PRELID2: variants seen among roughly 807,000 people sequenced by gnomAD.
The protein encoded by PRELID2 is PRELI domain containing 2.
In PRELID2, 25 loss-of-function variants were observed where a neutral mutation model predicts 28.4. That is an observed-to-expected ratio of 0.88 (90% CI 0.64 to 1.23). PRELID2 has a LOEUF of 1.23. Ranked by LOEUF, PRELID2 falls within the 50% of genes most tolerant of loss-of-function variation. The pLI, the probability that PRELID2 is intolerant of heterozygous loss-of-function variation, is 0.00. For synonymous variants in PRELID2, 76 were observed against 71.6 expected (o/e 1.06, Z -0.31); for missense variants, 201 against 214.4 (o/e 0.94, Z 0.39).
intron 1 of PRELID2, chr5:145,473,396 C>T (rs1316366632): frequency 6.6e-6 from 1 of 152,114 alleles, no homozygotes; most frequent in African/African-American, 2.4e-5. Context: ...ATTTAGTAAA[C>T]ACATAGGATT....
the PRELID2 span, among the ~76,000 whole-genome samples, chr5:145,425,103 T>C: frequency 2.7e-5 from 4 of 150,856 alleles, no homozygotes; most frequent in Admixed American, 1.3e-4. Flanking sequence ...GCAAAAGACA[T>C]GAACAGACAC....
chr5:145,517,224 T>C (rs577251233), intron 1 of PRELID2, among the ~76,000 whole-genome samples: 2 of 152,242 alleles, frequency 1.3e-5, no homozygotes, highest in East Asian at 3.9e-4. Flanking sequence ...GAGAAAATTT[T>C]TGCAATCTAT....
the PRELID2 span, among the ~76,000 whole-genome samples, chr5:145,458,042 T>C: frequency 1.3e-5 from 2 of 152,210 alleles, no homozygotes; most frequent in Non-Finnish European, 2.9e-5. Flanking sequence ...GATTTAGAGA[T>C]TTTAGCCACC....
chr5:145,480,782 A>G (rs1054093316), intron 1 of PRELID2, among the ~76,000 whole-genome samples: 2 of 152,186 alleles, frequency 1.3e-5, no homozygotes, highest in African/African-American at 4.8e-5. Flanking sequence ...TGCTTTCATA[A>G]AATTTCTGAT....
intron 1 of PRELID2, among the ~76,000 whole-genome samples, chr5:145,627,397 C>T (rs1753864378): frequency 2.0e-5 from 3 of 151,582 alleles, no homozygotes; most frequent in Admixed American, 2.0e-4. Flanking sequence ...TACAATGTAC[C>T]CTATTCAGAT....
At chr5:145,601,055 C>T (rs920921270) in intron 1 of PRELID2, among the ~76,000 whole-genome samples, 1 of 152,040 alleles carries the variant, frequency 6.6e-6, no homozygotes, top group Non-Finnish European at 1.5e-5. Flanking sequence ...ACTGGGGAGA[C>T]TGAGGTGGGA....
the PRELID2 span, among the ~76,000 whole-genome samples, chr5:145,375,802 G>A: frequency 2.6e-5 from 4 of 152,330 alleles, no homozygotes; most frequent in Non-Finnish European, 5.9e-5. Context: ...ACATCTTGGG[G>A]CCAAGCCATC....
intron 1 of PRELID2, among the ~76,000 whole-genome samples, chr5:145,487,984 C>T (rs1440296399): frequency 1.3e-5 from 2 of 151,288 alleles, no homozygotes; most frequent in Non-Finnish European, 2.9e-5. Flanking sequence ...ATTAGCCGGG[C>T]GTGATGGTGC....
chr5:145,450,884 A>C, the PRELID2 span: 1 of 152,142 alleles, frequency 6.6e-6, no homozygotes, highest in Non-Finnish European at 1.5e-5. Context: ...ATTTATGGTA[A>C]TTACATAGGA....
At chr5:145,658,968 T>C (rs534654082) in intron 1 of PRELID2, among the ~76,000 whole-genome samples, 3 of 152,164 alleles carry the variant, frequency 2.0e-5, no homozygotes, top group African/African-American at 4.8e-5. Flanking sequence ...TAAGCTGAAA[T>C]TGGGAAGATG....
chr5:145,382,470 C>G, the PRELID2 span, among the ~76,000 whole-genome samples: 1 of 151,846 alleles, frequency 6.6e-6, no homozygotes, highest in Admixed American at 6.6e-5. Flanking sequence ...AAAATCTTGA[C>G]AGAAGCCAGA....
At chr5:145,357,721 C>T in the PRELID2 span, among the ~76,000 whole-genome samples, 2 of 152,066 alleles carry the variant, frequency 1.3e-5, no homozygotes, top group Admixed American at 6.6e-5. Flanking sequence ...TGTTCCTATC[C>T]ATATTCTGAA....
At chr5:145,387,517 G>T in the PRELID2 span, among the ~76,000 whole-genome samples, 11 of 152,234 alleles carry the variant, frequency 7.2e-5, no homozygotes, top group South Asian at 1.0e-3. Flanking sequence ...TCCTTATAAA[G>T]AATTTATACT....
chr5:145,358,635 G>T, the PRELID2 span, among the ~76,000 whole-genome samples: 1 of 152,070 alleles, frequency 6.6e-6, no homozygotes, highest in African/African-American at 2.4e-5. Flanking sequence ...GAAGAAAAAG[G>T]TCATCTCTTT....
intron 1 of PRELID2, among the ~76,000 whole-genome samples, chr5:145,538,258 A>G (rs1216020394): frequency 1.3e-5 from 2 of 151,886 alleles, no homozygotes; most frequent in African/African-American, 2.4e-5. Context: ...GCTTTGCAGT[A>G]TATTCTAAAG....
At chr5:145,810,746 G>A (rs1042217164) in intron 4 of PRELID2, among the ~76,000 whole-genome samples, 2 of 152,086 alleles carry the variant, frequency 1.3e-5, no homozygotes, top group African/African-American at 2.4e-5. Flanking sequence ...ACTATTTTAA[G>A]CTTTCTCTAT....
the PRELID2 span, among the ~76,000 whole-genome samples, chr5:145,410,963 C>A: frequency 6.6e-6 from 1 of 151,952 alleles, no homozygotes; most frequent in South Asian, 2.1e-4. Context: ...ATCCTAGATA[C>A]AATGGTGGTA....
the PRELID2 span, among the ~76,000 whole-genome samples, chr5:145,288,694 T>C: frequency 5.3e-5 from 8 of 152,116 alleles, no homozygotes; most frequent in East Asian, 1.9e-4. Flanking sequence ...TATTAACATA[T>C]GAATGTACAC....
chr5:145,604,892 T>TATATATATATATATATATATATATAC (rs1561517249), intron 1 of PRELID2, among the ~76,000 whole-genome samples: 2 of 142,928 alleles, frequency 1.4e-5, no homozygotes, highest in African/African-American at 5.3e-5. Flanking sequence ...CATATATATA[T>TATATATATATATATATATATATATAC]ATATATATAT....
Sources: allele counts gnomAD v4.1 joint callset (sites outside exome capture counted in the v4.1 genomes callset), GRCh38; gene constraint gnomAD v4.1.1; transcripts MANE v1.5; gene names NCBI Gene and HGNC (gene_info 2026-07-23, HGNC 2026-07-21).